GLDN: variants seen among roughly 807,000 people sequenced by gnomAD.
GLDN encodes gliomedin, also known as collomin.
GLDN carries 47 observed loss-of-function variants against 56.5 expected under a neutral mutation model. The ratio of observed to expected loss-of-function variants is 0.83; its 90% CI spans 0.66 to 1.06. GLDN has a LOEUF of 1.06. GLDN is among the 50% of genes least tolerant of loss of function. GLDN has a pLI of 0.00. For missense variants in GLDN, 782 were observed against 714.3 expected (o/e 1.09, Z -1.08); for synonymous variants, 332 against 278.8 (o/e 1.19, Z -1.90).
intron 2 of GLDN, among the ~76,000 whole-genome samples, chr15:51,382,449 A>C (rs914147227): frequency 3.9e-5 from 6 of 152,140 alleles, no homozygotes; most frequent in African/African-American, 1.4e-4. Context: ...AGACCTCACC[A>C]TTCCAATATT....
intron 1 of GLDN, among the ~76,000 whole-genome samples, chr15:51,343,958 C>A (rs1318119378): frequency 6.6e-6 from 1 of 152,186 alleles, no homozygotes; most frequent in Non-Finnish European, 1.5e-5. Flanking sequence ...GTCCAGGCAC[C>A]ACACTTTAAG....
chr15:51,352,271 A>G (rs2037090765), intron 1 of GLDN, among the ~76,000 whole-genome samples: 1 of 152,048 alleles, frequency 6.6e-6, no homozygotes, highest in Admixed American at 6.5e-5. Context: ...CATTTTTATG[A>G]TTTTATAAAA....
chr15:51,351,775 G>T (rs2037080738), intron 1 of GLDN, among the ~76,000 whole-genome samples: 1 of 152,180 alleles, frequency 6.6e-6, no homozygotes, highest in South Asian at 2.1e-4. Context: ...AGTATGTGGT[G>T]GTGGTAAGCA....
intron 1 of GLDN, among the ~76,000 whole-genome samples, chr15:51,344,002 T>C (rs989516308): frequency 5.3e-5 from 8 of 152,224 alleles, no homozygotes; most frequent in Non-Finnish European, 7.3e-5. Context: ...TGAGTCTTTA[T>C]TGTGCACAGG....
intron 2 of GLDN, among the ~76,000 whole-genome samples, chr15:51,378,200 A>G (rs771263356): frequency 2.0e-5 from 3 of 152,200 alleles, no homozygotes; most frequent in Non-Finnish European, 4.4e-5. Context: ...GATGGTAAGA[A>G]AGAAACTCCC....
At chr15:51,392,423 C>T (rs2038042599) in intron 4 of GLDN, among the ~76,000 whole-genome samples, 1 of 152,228 alleles carries the variant, frequency 6.6e-6, no homozygotes, top group East Asian at 1.9e-4. Flanking sequence ...TGTCTCCCAT[C>T]ACCCCCAGAT....
chr15:51,372,692 T>G (rs2037540863), intron 1 of GLDN, among the ~76,000 whole-genome samples: 1 of 152,188 alleles, frequency 6.6e-6, no homozygotes, highest in South Asian at 2.1e-4. Context: ...TCAGAGAAAC[T>G]CTTCCTTAGA....
intron 9 of GLDN, among the ~76,000 whole-genome samples, chr15:51,403,833 G>A (rs2038309754): frequency 6.6e-6 from 1 of 152,026 alleles, no homozygotes; most frequent in African/African-American, 2.4e-5. Context: ...TGTCTTCATG[G>A]GCCAGTTGCT....
chr15:51,400,116 G>A, intron 6 of GLDN, 76 bp from the exon 7 acceptor site: 1 of 1,228,356 alleles, frequency 8.1e-7, no homozygotes, highest in East Asian at 2.3e-5. Context: ...AGGTGGGGAA[G>A]AGCAGCAGCT....
At chr15:51,355,525 C>CTTTTTTTTTTTTTT (rs147021073) in intron 1 of GLDN, among the ~76,000 whole-genome samples, 1 of 126,442 alleles carries the variant, frequency 7.9e-6, no homozygotes, top group African/African-American at 2.9e-5. Context: ...TTCTTTCTTT[C>CTTTTTTTTTTTTTT]TTTTTTTTTT....
intron 4 of GLDN, chr15:51,384,332 T>G (rs1383282029): frequency 1.8e-5 from 4 of 220,892 alleles, no homozygotes; most frequent in Non-Finnish European, 2.6e-5. Flanking sequence ...GGTAAGGCAT[T>G]TCTTGGCTAG....
chr15:51,374,715 A>C (rs2037592895), intron 1 of GLDN, among the ~76,000 whole-genome samples: 1 of 148,286 alleles, frequency 6.7e-6, no homozygotes, highest in Non-Finnish European at 1.5e-5. Context: ...TTATCTGTAC[A>C]CATTTCTTTT....
rs1445088923 is a variant in GLDN, at chr15:51,404,290, C to G, written c.1192C>G (p.Gln398Glu). ...TGCATATTTCAGATTTGAATTTGGC[C>G]AGGAAACATCCCAAACTCTGAAGCT... is the stretch of plus-strand genomic sequence containing the variant. ...SNTLVRFEFG[Q>E]ETSQTLKLEN... is the part of the protein sequence containing the mutation. Residue 398 changes from glutamine to glutamate, a missense_variant, in exon 10 of 10, where the codon CAG (glutamine) becomes GAG (glutamate). By Grantham distance (29) the Gln-to-Glu change is conservative. Coordinates refer to ENST00000335449, the MANE Select transcript of GLDN (RefSeq NM_181789.4). 4 of 1,589,682 alleles carry G rather than the reference C, an allele frequency of 2.5e-6. No individual in the cohort carries two copies. The Admixed American group carries it at 7.2e-5, about 29-fold the overall frequency.
At position 51,404,440 on chromosome 15, in the gene GLDN, C is replaced by T. The variant is rs1326035113; in HGVS notation, c.1342C>T (p.Leu448Phe). 1.2e-6 allele frequency: 2 copies of T among 1,614,186 alleles called. No homozygotes were observed. The highest frequency in any genetic ancestry group is 3.3e-5 in the Admixed American group (2 of 60,026). The change falls in exon 10 of 10, where the codon CTT (leucine) becomes TTT (phenylalanine). Residue 448 changes from leucine to phenylalanine, a missense_variant. By Grantham distance (22) the Leu-to-Phe change is conservative. Coordinates refer to ENST00000335449, the MANE Select transcript of GLDN (RefSeq NM_181789.4). Reference sequence around the variant, plus strand: ...GTCAAGTGTGGACGGCTCGAGCATTCTTGTAGCACAACTGGATGAGAGGAC... The same window carrying T: ...GTCAAGTGTGGACGGCTCGAGCATTTTTGTAGCACAACTGGATGAGAGGAC... ...YASSVDGSSI[L>F]VAQLDERTFS... is the part of the protein sequence containing the mutation.
chr15:51,344,684 G>A (rs927148294), intron 1 of GLDN, among the ~76,000 whole-genome samples: 5 of 152,170 alleles, frequency 3.3e-5, no homozygotes, highest in Admixed American at 6.5e-5. Context: ...GTCTAGGAAC[G>A]AAGAAACAAA....
intron 1 of GLDN, among the ~76,000 whole-genome samples, chr15:51,362,400 G>A (rs890689324): frequency 4.0e-5 from 6 of 151,310 alleles, no homozygotes; most frequent in African/African-American, 9.7e-5. Context: ...CAGGAGAATC[G>A]CTTGAACCAG....
chr15:51,361,083 C>T (rs540439104), intron 1 of GLDN, among the ~76,000 whole-genome samples: 1 of 152,272 alleles, frequency 6.6e-6, no homozygotes, highest in African/African-American at 2.4e-5. Flanking sequence ...AATGTGAGTA[C>T]AAAATATTGC....
At chr15:51,401,533 C>A (rs2038249208) in intron 8 of GLDN, 60 bp from the exon 9 acceptor site, 1 of 1,506,038 alleles carries the variant, frequency 6.6e-7, no homozygotes. Context: ...CCAAGGACTC[C>A]CTCCCAAGCT....
At chr15:51,355,982 C>T (rs771917884) in intron 1 of GLDN, among the ~76,000 whole-genome samples, 45 of 149,850 alleles carry the variant, frequency 3.0e-4, no homozygotes, top group South Asian at 6.5e-4. Context: ...CCAAGGCGGG[C>T]GGATCACGAG....
Sources: gnomAD v4.1 joint callset for allele counts (sites outside exome capture counted in the v4.1 genomes callset) on GRCh38, gnomAD v4.1.1 for gene constraint, MANE v1.5 for transcripts, NCBI Gene and HGNC (gene_info 2026-07-23, HGNC 2026-07-21) for gene names.